The following PTCHD4 variants were observed in gnomAD, a reference collection of about 807,000 sequenced individuals.
PTCHD4 encodes patched domain-containing protein 4.
Under a neutral mutation model 58.1 loss-of-function variants are expected in PTCHD4, and 33 were observed. The ratio of observed to expected loss-of-function variants is 0.57; its 90% CI spans 0.43 to 0.76. PTCHD4 has a LOEUF of 0.76. PTCHD4 is among the 30% of genes least tolerant of loss of function. The probability of loss-of-function intolerance (pLI) is 0.00; values close to 1 mark genes in which losing one functional copy is unlikely to be tolerated. For missense variants in PTCHD4, 1,058 were observed against 1,027.1 expected, an observed-to-expected ratio of 1.03 and a Z score of -0.41; for synonymous variants, 478 against 409.6, an observed-to-expected ratio of 1.17 and a Z score of -2.02.
intron 4 of PTCHD4, among the ~76,000 whole-genome samples, chr6:47,959,643 C>T (rs534046836): frequency 1.2e-4 from 18 of 151,894 alleles, no homozygotes; most frequent in Non-Finnish European, 2.5e-4. Flanking sequence ...AATAAAGAGA[C>T]AATCATAGGA....
intron 4 of PTCHD4, chr6:47,890,859 T>C: frequency 1.0e-6 from 1 of 978,534 alleles, no homozygotes; most frequent in Non-Finnish European, 1.2e-6. Context: ...AAATAGCCAC[T>C]ATCAGGAAGT....
intron 4 of PTCHD4, among the ~76,000 whole-genome samples, chr6:47,982,311 C>T (rs866316258): frequency 2.6e-5 from 4 of 152,054 alleles, no homozygotes; most frequent in Non-Finnish European, 5.9e-5. Context: ...TTTGGATTTT[C>T]TCCAACAAAT....
At chr6:47,928,111 C>T (rs527819494) in intron 4 of PTCHD4, among the ~76,000 whole-genome samples, 1 of 152,248 alleles carries the variant, frequency 6.6e-6, no homozygotes, top group Admixed American at 6.5e-5. Flanking sequence ...ATTCCTTCAT[C>T]CAGTGGCTTT....
At chr6:48,050,413 CA>C (rs978916446) in intron 3 of PTCHD4, among the ~76,000 whole-genome samples, 34 of 152,004 alleles carry the variant, frequency 2.2e-4, no homozygotes, top group African/African-American at 8.2e-4. Context: ...ATATTATGGA[CA>C]ACGAAACTGA....
intron 4 of PTCHD4, among the ~76,000 whole-genome samples, chr6:47,970,812 C>A (rs1767479621): frequency 6.6e-6 from 1 of 152,178 alleles, no homozygotes. Flanking sequence ...ACCAGTATCA[C>A]CTGAAACTTA....
chr6:48,032,864 G>A lies in PTCHD4; in HGVS notation c.418-23750C>T, dbSNP rs576470466. ...CCAATGACATTTGTCATTATTAAACGGCATTTTCATTATTTTTATTTCTCT... is the reference window on the plus strand; with the variant it reads ...CCAATGACATTTGTCATTATTAAACAGCATTTTCATTATTTTTATTTCTCT... On this transcript the variant is annotated intron_variant, in intron 3 of 4. Transcript: ENST00000339488. Among the ~76,000 whole-genome samples the A allele has an allele frequency of 9.1e-4, 138 of 152,060 alleles. 1 individual carries two copies. The highest frequency in any genetic ancestry group is 1.4e-3 in the Non-Finnish European group (96 of 67,970).
intron 3 of PTCHD4, among the ~76,000 whole-genome samples, chr6:48,033,684 G>T (rs1763528956): frequency 1.3e-5 from 2 of 151,978 alleles, no homozygotes; most frequent in African/African-American, 4.8e-5. Flanking sequence ...AGCAAAACAT[G>T]AAATTCACAG....
intron 1 of PTCHD4, among the ~76,000 whole-genome samples, chr6:48,093,116 C>T (rs532108826): frequency 2.0e-5 from 3 of 152,260 alleles, no homozygotes; most frequent in South Asian, 4.1e-4. Context: ...AGTATAAAAC[C>T]TTTCATCTTT....
chr6:48,050,672 C>A (rs1764201280), intron 3 of PTCHD4, among the ~76,000 whole-genome samples: 2 of 151,932 alleles, frequency 1.3e-5, no homozygotes, highest in African/African-American at 4.8e-5. Flanking sequence ...GCATTTGGTC[C>A]ATTGAGCACA....
At position 48,068,691 on chromosome 6, in the gene PTCHD4, C is replaced by T; in HGVS notation, c.6-50G>A. On this transcript the variant is annotated intron_variant, in intron 2 of 4. Coordinates refer to ENST00000339488, the MANE Select transcript of PTCHD4 (RefSeq NM_001384253.1). The surrounding 1 kb of genome is among the most constrained non-coding windows in gnomAD (Gnocchi z 4.2). ...TAAGCGCCGGGCTACCCCGTTCTCC[C>T]CCATCCCACCCCCTGGGGCCAGTCC... 2 of 1,484,136 alleles carry T rather than the reference C, an allele frequency of 1.3e-6. No individual in the cohort carries two copies. The highest frequency in any genetic ancestry group is 2.7e-5 in the South Asian group (2 of 75,424). The allele number at this position is 1,484,136 out of a possible 1,614,324, so 91.9% of individuals were successfully genotyped here.
chr6:47,946,555 C>T (rs1270407389), intron 4 of PTCHD4, among the ~76,000 whole-genome samples: 1 of 152,072 alleles, frequency 6.6e-6, no homozygotes, highest in Non-Finnish European at 1.5e-5. Flanking sequence ...TATTAGTTTA[C>T]ATTCATCCTT....
rs1054973721 is a variant in PTCHD4, at chr6:47,876,121, C to G, written c.*2182G>C. Among the ~76,000 whole-genome samples the G allele has an allele frequency of 4.6e-5, 7 of 151,720 alleles. No homozygotes were observed. Among genetic ancestry groups the G allele is most frequent in the African/African-American group, 1.7e-4 (7 of 41,354 alleles). The stretch of plus-strand genomic sequence containing the variant: ...AAAATCAAAACCCAACCAAAAACCT[C>G]CTCTGAAACTTCTACTTCAGATATG... On this transcript the variant is annotated 3_prime_UTR_variant, in exon 5 of 5. Coordinates refer to ENST00000339488, the MANE Select transcript of PTCHD4 (RefSeq NM_001384253.1).
In PTCHD4 at chr6:47,858,451, A is replaced by G. The variant is rs1015939286; in HGVS notation, c.*19852T>C. Among the ~76,000 whole-genome samples the G allele has an allele frequency of 5.9e-5, 9 of 152,070 alleles. No individual in the cohort carries two copies. The highest frequency in any genetic ancestry group is 2.0e-4 in the Admixed American group (3 of 15,234). ...GGCAGAAATGTAAACATTAATGGAA[A>G]TAAAAGTTATCACATCTCCCAAACA... On this transcript the variant is annotated 3_prime_UTR_variant, in exon 5 of 5. Transcript: ENST00000339488.
chr6:47,929,448 C>G (rs1268784420), intron 4 of PTCHD4, among the ~76,000 whole-genome samples: 1 of 152,170 alleles, frequency 6.6e-6, no homozygotes, highest in East Asian at 1.9e-4. Context: ...GCTTCTGTAG[C>G]ACTGCAATTC....
intron 4 of PTCHD4, among the ~76,000 whole-genome samples, chr6:47,955,602 G>A (rs1021729930): frequency 6.6e-6 from 1 of 152,148 alleles, no homozygotes. Flanking sequence ...ACTTACCAGT[G>A]AGTCATGAAA....
chr6:48,055,077 T>C (rs374909846), intron 3 of PTCHD4, among the ~76,000 whole-genome samples: 12 of 152,300 alleles, frequency 7.9e-5, no homozygotes, highest in African/African-American at 1.9e-4. Flanking sequence ...TCCTATGTGT[T>C]ACCCACTTCA....
chr6:48,061,916 A>C (rs1032313455), intron 3 of PTCHD4, among the ~76,000 whole-genome samples: 3 of 152,270 alleles, frequency 2.0e-5, no homozygotes, highest in Admixed American at 2.0e-4. Flanking sequence ...GAAGAAATAG[A>C]TCTGCTGTCC....
At position 47,876,245 on chromosome 6, in the gene PTCHD4, A is replaced by G. The variant is rs1055349483; in HGVS notation, c.*2058T>C. On this transcript the variant is annotated 3_prime_UTR_variant, in exon 5 of 5. Transcript: ENST00000339488. ...AGGAGTATTTGTGACATGACTTTAC[A>G]AATAATGTAAAAACAATAACCCTAT... Among the ~76,000 whole-genome samples the G allele has an allele frequency of 3.3e-5, 5 of 151,884 alleles. No homozygotes were observed. Among genetic ancestry groups the G allele is most frequent in the African/African-American group, 1.2e-4 (5 of 41,396 alleles).
chr6:47,998,175 A>G (rs887230549), intron 4 of PTCHD4, among the ~76,000 whole-genome samples: 1 of 152,144 alleles, frequency 6.6e-6, no homozygotes, highest in African/African-American at 2.4e-5. Flanking sequence ...ACTTCAATTA[A>G]TGAGAAGTGT....
Sources: allele counts gnomAD v4.1 joint callset (sites outside exome capture counted in the v4.1 genomes callset), GRCh38; gene constraint gnomAD v4.1.1; non-coding constraint Gnocchi (gnomAD v3.1); transcripts MANE v1.5; gene names NCBI Gene and HGNC (gene_info 2026-07-23, HGNC 2026-07-21).